The following GPC5 variants were observed in gnomAD, a reference collection of about 807,000 sequenced individuals.
GPC5 encodes the protein glypican-5.
GPC5 carries 47 observed loss-of-function variants against 53.9 expected under a neutral mutation model. The observed-to-expected ratio is 0.87, with a 90% confidence interval of 0.69 to 1.11. The LOEUF (loss-of-function observed/expected upper bound fraction) is 1.11, where lower values mean the gene tolerates loss of function less well. Among genes scored for constraint, GPC5 ranks in the 50% most tolerant of loss-of-function variants. The pLI is 0.00. For synonymous variants in GPC5, 286 were observed against 263.3 expected (o/e 1.09, Z -0.84); for missense variants, 748 against 713.1 (o/e 1.05, Z -0.56).
chr13:92,133,438 A>C (rs2041760700), intron 6 of GPC5, among the ~76,000 whole-genome samples: 1 of 152,182 alleles, frequency 6.6e-6, no homozygotes, highest in Admixed American at 6.5e-5. Flanking sequence ...TTGAAAATGA[A>C]TTCTGCATAG....
intron 5 of GPC5, among the ~76,000 whole-genome samples, chr13:91,759,873 G>C (rs1297712240): frequency 6.6e-6 from 1 of 151,898 alleles, no homozygotes; most frequent in Non-Finnish European, 1.5e-5. Context: ...CTAGAAACAG[G>C]ATAGGACATA....
At chr13:92,822,691 A>C (rs555689864) in intron 7 of GPC5, among the ~76,000 whole-genome samples, 1 of 152,260 alleles carries the variant, frequency 6.6e-6, no homozygotes, top group East Asian at 1.9e-4. Flanking sequence ...CAATAGCATC[A>C]CGTACTTGGA....
intron 1 of GPC5, among the ~76,000 whole-genome samples, chr13:91,425,270 T>G (rs1878958618): frequency 6.6e-6 from 1 of 152,200 alleles, no homozygotes; most frequent in South Asian, 2.1e-4. Flanking sequence ...AGTCTTTAGG[T>G]TAGCATGGTT....
chr13:92,491,994 C>A (rs919712649), intron 7 of GPC5, among the ~76,000 whole-genome samples: 1 of 151,968 alleles, frequency 6.6e-6, no homozygotes, highest in Non-Finnish European at 1.5e-5. Context: ...TCTTTTCAGT[C>A]TAGAGTCTAC....
chr13:91,941,332 G>T (rs1160504425), intron 6 of GPC5, among the ~76,000 whole-genome samples: 1 of 152,002 alleles, frequency 6.6e-6, no homozygotes, highest in Non-Finnish European at 1.5e-5. Context: ...GGCTATGTAG[G>T]CTCTGGGCTT....
chr13:92,347,883 T>A (rs5805740), intron 7 of GPC5, among the ~76,000 whole-genome samples: 34 of 1,158 alleles, frequency 0.029, 4 homozygotes, highest in African/African-American at 0.061. Context: ...TAATATATAT[T>A]ATATATATTA....
intron 7 of GPC5, among the ~76,000 whole-genome samples, chr13:92,570,123 G>A (rs1882981025): frequency 6.6e-6 from 1 of 152,140 alleles, no homozygotes; most frequent in African/African-American, 2.4e-5. Flanking sequence ...CATGCTTGCT[G>A]TAGGTAATAT....
At chr13:91,769,996 A>C (rs2037592532) in intron 5 of GPC5, among the ~76,000 whole-genome samples, 2 of 152,196 alleles carry the variant, frequency 1.3e-5, no homozygotes, top group South Asian at 4.1e-4. Flanking sequence ...ACTCACAAGT[A>C]GTAGGTCCCC....
At chr13:92,167,781 A>G (rs1453616799) in intron 7 of GPC5, among the ~76,000 whole-genome samples, 1 of 152,198 alleles carries the variant, frequency 6.6e-6, no homozygotes. Context: ...AGCCTTTCAG[A>G]AAAGGTCATC....
chr13:92,449,826 A>G (rs961273770), intron 7 of GPC5, among the ~76,000 whole-genome samples: 5 of 152,142 alleles, frequency 3.3e-5, no homozygotes, highest in Non-Finnish European at 7.4e-5. Context: ...ATATGTTTTT[A>G]TGTTCATACT....
At chr13:91,997,364 T>G (rs1594713896) in intron 6 of GPC5, among the ~76,000 whole-genome samples, 2 of 152,228 alleles carry the variant, frequency 1.3e-5, no homozygotes, top group Non-Finnish European at 2.9e-5. Context: ...ACCATCCATC[T>G]TCAACCCTAA....
rs370038324 is a variant in GPC5 at position 91,921,487 on chromosome 13, T to C, written c.1401+13430T>C. 2.9e-4 allele frequency among the ~76,000 whole-genome samples: 44 copies of C among 152,106 alleles called. No homozygotes were observed. In the East Asian group the frequency reaches 6.0e-3, roughly 21 times the overall value. On this transcript the variant is annotated intron_variant, in intron 6 of 7. Transcript: ENST00000377067. ...ACTTGAGAAAAAATGAAATAAATACTTAGAAAGATGTGACAGATACAAGAA... is the reference window on the plus strand; with the variant it reads ...ACTTGAGAAAAAATGAAATAAATACCTAGAAAGATGTGACAGATACAAGAA...
At chr13:91,558,572 C>A (rs2031085145) in intron 2 of GPC5, among the ~76,000 whole-genome samples, 1 of 152,034 alleles carries the variant, frequency 6.6e-6, no homozygotes, top group South Asian at 2.1e-4. Context: ...TGTGCTTGCT[C>A]CTGTAGCACT....
intron 7 of GPC5, among the ~76,000 whole-genome samples, chr13:92,434,847 G>GACCAT (rs1016814635): frequency 2.0e-5 from 3 of 152,144 alleles, no homozygotes; most frequent in African/African-American, 4.8e-5. Flanking sequence ...CTTTCAAGGA[G>GACCAT]ACCATCTATT....
intron 2 of GPC5, among the ~76,000 whole-genome samples, chr13:91,653,316 C>T (rs1002855961): frequency 1.3e-5 from 2 of 152,092 alleles, no homozygotes; most frequent in Admixed American, 6.6e-5. Flanking sequence ...GCCTTAATTT[C>T]CATCAACAAA....
At chr13:91,610,880 C>T (rs75980218) in intron 2 of GPC5, among the ~76,000 whole-genome samples, 2,334 of 152,222 alleles carry the variant, frequency 0.015, 62 homozygotes, top group African/African-American at 0.053. Context: ...CGGGAAATTG[C>T]TTAAATGTAG....
intron 2 of GPC5, among the ~76,000 whole-genome samples, chr13:91,652,833 G>A (rs538236650): frequency 5.9e-5 from 9 of 152,232 alleles, no homozygotes; most frequent in East Asian, 3.9e-4. Flanking sequence ...CCTACAGGTC[G>A]TCACAGTTGA....
intron 7 of GPC5, among the ~76,000 whole-genome samples, chr13:92,780,362 C>A (rs185850676): frequency 1.2e-4 from 16 of 136,708 alleles, no homozygotes; most frequent in Admixed American, 1.5e-4. Flanking sequence ...ATTTATATTT[C>A]ACTTAATATA....
intron 7 of GPC5, among the ~76,000 whole-genome samples, chr13:92,677,376 G>C (rs1886980699): frequency 6.6e-6 from 1 of 152,156 alleles, no homozygotes; most frequent in East Asian, 1.9e-4. Flanking sequence ...TGAGGCAGCA[G>C]ACTAGGCATA....
Sources: allele counts gnomAD v4.1 joint callset (sites outside exome capture counted in the v4.1 genomes callset), GRCh38; gene constraint gnomAD v4.1.1; transcripts MANE v1.5; gene names NCBI Gene and HGNC (gene_info 2026-07-23, HGNC 2026-07-21).